FAM186A: variants seen among roughly 807,000 people sequenced by gnomAD.
FAM186A encodes protein FAM186A.
Under a neutral mutation model 216.8 loss-of-function variants are expected in FAM186A, and 163 were observed. The ratio of observed to expected loss-of-function variants is 0.75; its 90% CI spans 0.66 to 0.86. FAM186A has a LOEUF of 0.86. Ranked by LOEUF, FAM186A falls within the 40% of genes least tolerant of loss-of-function variation. The probability of loss-of-function intolerance (pLI) is 0.00; values close to 1 mark genes in which losing one functional copy is unlikely to be tolerated. For synonymous variants in FAM186A, 805 were observed against 1,025.3 expected (o/e 0.79, Z 4.10); for missense variants, 2,184 against 2,746.2 (o/e 0.80, Z 4.58).
In FAM186A at chr12:50,352,648, AAGGCCT is replaced by A. The variant is rs1942910069; in HGVS notation, c.4178_4183del (p.Gln1393_Ala1394del). On this transcript the variant is annotated inframe_deletion, in exon 4 of 8. Coordinates refer to ENST00000327337, the MANE Select transcript of FAM186A (RefSeq NM_001145475.3). ...CTGCTGAGTGGTGAGAGGCATCCCC[AAGGCCT>A]GAGCCTGCTGAGGGGTGAGAGGGAT... 1 of 1,526,334 alleles carries A rather than the reference AAGGCCT, an allele frequency of 6.6e-7. No homozygotes were observed. Among genetic ancestry groups the A allele is most frequent in the Non-Finnish European group, 8.8e-7 (1 of 1,134,868 alleles). The allele number at this position is 1,526,334 out of a possible 1,614,324, so 94.5% of individuals were successfully genotyped here.
chr12:50,393,821 A>G lies in FAM186A; in HGVS notation c.192+2472T>C, dbSNP rs566045899. Among the ~76,000 whole-genome samples the G allele has an allele frequency of 1.7e-4, 26 of 152,332 alleles. No homozygotes were observed. The East Asian group carries it at 2.1e-3, about 12-fold the overall frequency. ...TTTATGGTATGCTAACTGTACCTCA[A>G]TAAAGCTGTTAAAAGCAAACACTGT... On this transcript the variant is annotated intron_variant, in intron 1 of 7. Coordinates refer to ENST00000327337, the MANE Select transcript of FAM186A (RefSeq NM_001145475.3).
Position 50,355,394 on chromosome 12 carries a change from T to C in FAM186A, c.1438A>G (p.Lys480Glu). The stretch of plus-strand genomic sequence containing the variant: ...GCCTCTGAGACTTTCTGTCCACTTT[T>C]ATTATCACTCAGATTTGGTCCAGAG... ...ETSGPNLSDN[K>E]SGQKVSEAKP... Residue 480 changes from lysine (K) to glutamate (E), a missense_variant, in exon 4 of 8, where the codon AAA (lysine) becomes GAA (glutamate). Lys to Glu is a moderately conservative substitution (Grantham distance 56, BLOSUM62 1). This residue lies in a region of FAM186A where 1,132 missense variants were observed against 1,263.4 expected (regional missense o/e 0.90). Transcript: ENST00000327337. The C allele has an allele frequency of 6.4e-7, 1 of 1,551,446 alleles. No homozygotes were observed. The highest frequency in any genetic ancestry group is 8.7e-7 in the Non-Finnish European group (1 of 1,146,996).
intron 4 of FAM186A, among the ~76,000 whole-genome samples, chr12:50,349,693 C>A (rs1325206485): frequency 2.6e-5 from 4 of 151,924 alleles, no homozygotes; most frequent in African/African-American, 4.8e-5. Flanking sequence ...ACTCTCTCAC[C>A]CAGGCTGGAG....
intron 1 of FAM186A, among the ~76,000 whole-genome samples, chr12:50,389,556 G>A (rs955314761): frequency 6.6e-6 from 1 of 152,132 alleles, no homozygotes; most frequent in Non-Finnish European, 1.5e-5. Flanking sequence ...TACCCAACTG[G>A]CAAATTAATA....
Position 50,355,385 on chromosome 12 carries a change from G to C in FAM186A, c.1447C>G (p.Gln483Glu), listed in dbSNP as rs1035344049. 2.1e-5 allele frequency: 32 copies of C among 1,551,164 alleles called. No homozygotes were observed. The highest frequency in any genetic ancestry group is 2.6e-5 in the Non-Finnish European group (30 of 1,146,982). Residue 483 changes from glutamine to glutamate, a missense_variant, in exon 4 of 8, where the codon CAG (glutamine) becomes GAG (glutamate). Coordinates refer to ENST00000327337, the MANE Select transcript of FAM186A (RefSeq NM_001145475.3). The stretch of plus-strand genomic sequence containing the variant: ...CTAGGTTTGGCCTCTGAGACTTTCT[G>C]TCCACTTTTATTATCACTCAGATTT... ...GPNLSDNKSG[Q>E]KVSEAKPSQY... is the part of the protein sequence containing the mutation.
intron 3 of FAM186A, 69 bp downstream of exon 3, chr12:50,360,687 A>G (rs1418228324): frequency 6.0e-5 from 84 of 1,398,396 alleles, no homozygotes; most frequent in Non-Finnish European, 7.7e-5. Flanking sequence ...TGAAAAAAAA[A>G]AAAGTTGTTT....
At chr12:50,368,730 T>A (rs993939614) in intron 1 of FAM186A, among the ~76,000 whole-genome samples, 13 of 152,036 alleles carry the variant, frequency 8.6e-5, no homozygotes, top group African/African-American at 2.9e-4. Context: ...TGAAAAAGAA[T>A]AACAAAGTTG....
chr12:50,348,695 A>G (rs1942845540), intron 4 of FAM186A, among the ~76,000 whole-genome samples: 1 of 151,424 alleles, frequency 6.6e-6, no homozygotes. Context: ...AGTAGCTGGG[A>G]TTCCAGGCAC....
rs759128996 is a variant in FAM186A at position 50,352,231 on chromosome 12, G to A, written c.4601C>T (p.Pro1534Leu). 2.0e-5 allele frequency: 29 copies of A among 1,420,502 alleles called. No homozygotes were observed. The highest frequency in any genetic ancestry group is 1.9e-4 in the Middle Eastern group (1 of 5,344). 88.0% of individuals were successfully genotyped at this position (1,420,502 alleles called of 1,614,324 possible). The change falls in exon 4 of 8, where the codon CCG (proline) becomes CTG (leucine). Residue 1534 changes from proline to leucine, a missense_variant. Pro to Leu is a moderately conservative substitution (Grantham distance 98). Coordinates refer to ENST00000327337, the MANE Select transcript of FAM186A (RefSeq NM_001145475.3). ...AGGGATCCCCAATTCCTGAGCCTGCGGAGGGATCAGAGGGATCCCCAGGGC... is the reference window on the plus strand; with the variant it reads ...AGGGATCCCCAATTCCTGAGCCTGCAGAGGGATCAGAGGGATCCCCAGGGC... The part of the protein sequence containing the change: ...AQALGIPLIP[P>L]QAQELGIPLT...
At chr12:50,374,495 T>C (rs1296963760) in intron 1 of FAM186A, among the ~76,000 whole-genome samples, 1 of 152,122 alleles carries the variant, frequency 6.6e-6, no homozygotes, top group Non-Finnish European at 1.5e-5. Context: ...GATTCAAAAT[T>C]TGATAATTTC....
chr12:50,331,999 C>T (rs1360458099), intron 5 of FAM186A, among the ~76,000 whole-genome samples, 178 bp from the exon 6 acceptor site: 1 of 152,194 alleles, frequency 6.6e-6, no homozygotes, highest in Admixed American at 6.5e-5. Flanking sequence ...AGCTCTGCTA[C>T]ATAAAAACCT....
At chr12:50,373,484 T>C (rs1296876878) in intron 1 of FAM186A, among the ~76,000 whole-genome samples, 1 of 152,212 alleles carries the variant, frequency 6.6e-6, no homozygotes, top group Admixed American at 6.6e-5. Flanking sequence ...CCTGACTCAT[T>C]CTTTGATGTC....
At chr12:50,328,510 A>ATTT (rs1320008015) in intron 7 of FAM186A, among the ~76,000 whole-genome samples, 1 of 148,062 alleles carries the variant, frequency 6.8e-6, no homozygotes, top group African/African-American at 2.5e-5. Flanking sequence ...TTTATTTTTT[A>ATTT]TTTTATTTTA....
In FAM186A at chr12:50,355,251, T is replaced by C; in HGVS notation, c.1581A>G (p.Leu527=). Residue 527 remains leucine (L), a synonymous_variant, in exon 4 of 8, where the codon TTA becomes TTG. Coordinates refer to ENST00000327337, the MANE Select transcript of FAM186A (RefSeq NM_001145475.3). ...PTEAKRKHLS[L]TETKSQGGKS... Reference sequence around the variant, plus strand: ...TGCCACCTTGGCTCTTTGTTTCAGTTAAAGAGAGATGTTTTCTTTTTGCTT... The same window carrying C: ...TGCCACCTTGGCTCTTTGTTTCAGTCAAAGAGAGATGTTTTCTTTTTGCTT... 6.4e-7 allele frequency: 1 copy of C among 1,551,722 alleles called. No homozygotes were observed. Among genetic ancestry groups the C allele is most frequent in the Admixed American group, 2.0e-5 (1 of 51,004 alleles).
At position 50,360,757 on chromosome 12, in the gene FAM186A, T is replaced by A. The variant is rs1253346899; in HGVS notation, c.582A>T (p.Ile194=). ...TCCAAAATCATAAAGCACCCTTACA[T>A]ATTTTTTTCTTTTGTTTCTTCTTTT... The part of the protein sequence containing the change: ...LDEKKKQKKK[I]LSRGTLWKSW... Residue 194 remains isoleucine (I), a splice_region_variant and synonymous_variant, in exon 3 of 8, where the codon ATA becomes ATT. Transcript: ENST00000327337. The A allele has an allele frequency of 6.5e-7, 1 of 1,531,674 alleles. No individual in the cohort carries two copies. Among genetic ancestry groups the A allele is most frequent in the South Asian group, 1.3e-5 (1 of 79,484 alleles). 94.9% of individuals were successfully genotyped at this position (1,531,674 alleles called of 1,614,324 possible).
At position 50,396,527 on chromosome 12, in the gene FAM186A, A is replaced by G; in HGVS notation, c.-43T>C. On this transcript the variant is annotated 5_prime_UTR_variant, in exon 1 of 8. Coordinates refer to ENST00000327337, the MANE Select transcript of FAM186A (RefSeq NM_001145475.3). ...TTTCGTTTTATTTCTTCTTTTTCACAGAATCTACAAAAATGCTAATAAAGA... is the reference window on the plus strand; with the variant it reads ...TTTCGTTTTATTTCTTCTTTTTCACGGAATCTACAAAAATGCTAATAAAGA... The G allele has an allele frequency of 6.6e-7, 1 of 1,506,902 alleles. No individual in the cohort carries two copies. The highest frequency in any genetic ancestry group is 2.5e-5 in the East Asian group (1 of 40,712). The allele number at this position is 1,506,902 out of a possible 1,614,324, so 93.3% of individuals were successfully genotyped here.
In FAM186A at chr12:50,353,862, C is replaced by T; in HGVS notation, c.2970G>A (p.Met990Ile). Residue 990 changes from methionine (M) to isoleucine (I), a missense_variant, in exon 4 of 8, where the codon ATG becomes ATA. Met to Ile is a conservative substitution (Grantham distance 10). Transcript: ENST00000327337. ...RQIKTKDQMQ[M>I]KETQPKELEK... ...CTAGCTCTTTAGGTTGTGTTTCCTT[C>T]ATCTGCATCTGATCCTTTGTTTTGA... is the stretch of plus-strand genomic sequence containing the variant. 1 of 1,551,762 alleles carries T rather than the reference C, an allele frequency of 6.4e-7. No individual in the cohort carries two copies. Among genetic ancestry groups the T allele is most frequent in the Non-Finnish European group, 8.7e-7 (1 of 1,147,012 alleles).
At position 50,396,304 on chromosome 12, in the gene FAM186A, G is replaced by A. The variant is rs981558684; in HGVS notation, c.181C>T (p.Arg61Ter). ...GATTCACTACCTACCTCTCTGGCTC[G>A]ATGGAGCTGTGCGCGCTCAATCCTA... is the stretch of plus-strand genomic sequence containing the variant. ...ISRIERAQLH[R>*]AREDIDMQLS... Residue 61 changes from arginine to a stop codon, truncating the protein, a stop_gained, in exon 1 of 8, where the codon CGA (arginine) becomes TGA (stop). Transcript: ENST00000327337. LOFTEE classifies it high-confidence loss of function. 1.6e-5 allele frequency: 25 copies of A among 1,536,506 alleles called. No homozygotes were observed. The highest frequency in any genetic ancestry group is 2.2e-5 in the Non-Finnish European group (25 of 1,140,838).
chr12:50,334,051 CAT>C lies in FAM186A; in HGVS notation c.6554_6555del (p.Tyr2185Ter). ...AGCATCATGTGGAGGTTCCTGGCCT[CAT>C]AGCCTTTCCCAGTATTTTGGATGGC... The part of the protein sequence containing the change: ...LKAIQNTGKG[Y>X]EARNLHMMLS... On this transcript the variant is annotated frameshift_variant, in exon 5 of 8. Coordinates refer to ENST00000327337, the MANE Select transcript of FAM186A (RefSeq NM_001145475.3). LOFTEE classifies it high-confidence loss of function. 1 of 1,551,044 alleles carries C rather than the reference CAT, an allele frequency of 6.4e-7. No individual in the cohort carries two copies. The highest frequency in any genetic ancestry group is 8.7e-7 in the Non-Finnish European group (1 of 1,146,816).
Sources: gnomAD v4.1 joint callset for allele counts (sites outside exome capture counted in the v4.1 genomes callset) on GRCh38, gnomAD v4.1.1 for gene constraint, gnomAD v4.1.1 regional missense constraint, MANE v1.5 for transcripts, NCBI Gene and HGNC (gene_info 2026-07-23, HGNC 2026-07-21) for gene names.